Variants in MOCS1 observed in about 807,000 individuals in gnomAD.
MOCS1 encodes molybdenum cofactor synthesis 1, also known as molybdenum cofactor biosynthesis protein 1.
A neutral mutation model predicts 57.6 loss-of-function variants in MOCS1; 39 were observed. The observed-to-expected ratio is 0.68, with a 90% CI of 0.52 to 0.88. The LOEUF (loss-of-function observed/expected upper bound fraction) is 0.88. Among genes scored for constraint, MOCS1 ranks in the 40% least tolerant of loss-of-function variants. The probability of loss-of-function intolerance (pLI) is 0.00; values close to 1 mark genes in which losing one functional copy is unlikely to be tolerated. For missense variants in MOCS1, 795 were observed against 831.1 expected (o/e 0.96, Z 0.53); for synonymous variants, 334 against 335.7 (o/e 1.00, Z 0.05).
chr6:39,924,440 CAG>C (rs1316501054), intron 3 of MOCS1, among the ~76,000 whole-genome samples: 1 of 152,260 alleles, frequency 6.6e-6, no homozygotes, highest in African/African-American at 2.4e-5. Context: ...ATGCAGGAGA[CAG>C]ACAATTAAAG....
chr6:39,915,950 T>C (rs1767631936), intron 4 of MOCS1, 118 bp downstream of exon 4: 2 of 1,186,886 alleles, frequency 1.7e-6, no homozygotes, highest in Non-Finnish European at 1.2e-6. Context: ...TGCTTTGACT[T>C]ACTGATAGCC....
chr6:39,927,403 G>A lies in MOCS1; in HGVS notation c.176C>T (p.Ala59Val), dbSNP rs542659659. Residue 59 changes from alanine to valine, a missense_variant, in exon 2 of 11, where the codon GCC (alanine) becomes GTC (valine). This residue lies in a region of MOCS1 where 416 missense variants were observed against 392.4 expected (regional missense o/e 1.06). Transcript: ENST00000340692. ...CCGGCCGAAGCTGTCTGTGAGGAAG[G>A]CGGAGAAGGGGGCCGCATGCTCCCG... ...FLREHAAPFS[A>V]FLTDSFGRQH... 9.3e-6 allele frequency: 15 copies of A among 1,612,888 alleles called. No homozygotes were observed. The African/African-American group carries it at 2.0e-4, about 21-fold the overall frequency.
chr6:39,933,985 A>T (rs147785340), intron 1 of MOCS1, among the ~76,000 whole-genome samples: 1 of 152,060 alleles, frequency 6.6e-6, no homozygotes, highest in Non-Finnish European at 1.5e-5. Flanking sequence ...GAAAGGTACT[A>T]AGACACCTCA....
chr6:39,913,560 C>A, intron 5 of MOCS1, 132 bp from the exon 6 acceptor site: 1 of 975,208 alleles, frequency 1.0e-6, no homozygotes. Context: ...ACTCAGTTCT[C>A]TAAGTTACGG....
chr6:39,927,806 A>G, intron 1 of MOCS1: 1 of 1,328,852 alleles, frequency 7.5e-7, no homozygotes, highest in Non-Finnish European at 9.8e-7. Context: ...TTGTGCACCC[A>G]TGGTCTCGGG....
intron 4 of MOCS1, among the ~76,000 whole-genome samples, chr6:39,914,825 G>A (rs1252454375): frequency 2.6e-5 from 4 of 152,188 alleles, no homozygotes; most frequent in African/African-American, 9.7e-5. Flanking sequence ...AAAAGAGTAT[G>A]AATGGGAGGG....
In MOCS1 at chr6:39,925,815, G is replaced by T. The variant is rs769807132; in HGVS notation, c.281C>A (p.Pro94Gln). 2 of 1,612,614 alleles carry T rather than the reference G, an allele frequency of 1.2e-6. No homozygotes were observed. The highest frequency in any genetic ancestry group is 2.2e-5 in the South Asian group (2 of 91,070). The change falls in exon 3 of 11, where the codon CCG becomes CAG. Residue 94 changes from proline (P) to glutamine (Q), a missense_variant. This residue lies in a region of MOCS1 where 416 missense variants were observed against 392.4 expected (regional missense o/e 1.06). Transcript: ENST00000340692. ...CAGCAGGTTGGCTTTGGGGGTCAGC[G>T]GGACCCCCTCCTCGGGCATGCAGTA... Reference protein sequence around the residue: ...CQYCMPEEGVPLTPKANLLTT... With the variant: ...CQYCMPEEGVQLTPKANLLTT...
Position 39,905,541 on chromosome 6 carries a change from G to A in MOCS1, c.*816C>T, listed in dbSNP as rs1421721999. On this transcript the variant is annotated 3_prime_UTR_variant, in exon 11 of 11. Coordinates refer to ENST00000340692, the MANE Select transcript of MOCS1 (RefSeq NM_001358530.2). ...TTGCATCTGCAAAGTTGGCATCGTA[G>A]CTTTATTTGTGCGCTGTGAGGGTGA... 1 of 471,060 alleles carries A rather than the reference G, an allele frequency of 2.1e-6. No individual in the cohort carries two copies. Among genetic ancestry groups the A allele is most frequent in the African/African-American group, 2.0e-5 (1 of 50,070 alleles). 29.2% of individuals were successfully genotyped at this position (471,060 alleles called of 1,614,324 possible).
chr6:39,907,175 C>T (rs1767015558), intron 10 of MOCS1, 58 bp from the exon 11 acceptor site: 1 of 1,525,064 alleles, frequency 6.6e-7, no homozygotes, highest in East Asian at 2.3e-5. Context: ...TTCTTTTTCC[C>T]ACCTCTACTC....
intron 3 of MOCS1, among the ~76,000 whole-genome samples, chr6:39,916,560 C>T (rs1271311177): frequency 6.6e-6 from 1 of 152,148 alleles, no homozygotes; most frequent in Non-Finnish European, 1.5e-5. Flanking sequence ...TGCTTAATCT[C>T]ACACAGTAAG....
chr6:39,920,699 C>G (rs1767915989), intron 3 of MOCS1, among the ~76,000 whole-genome samples: 1 of 152,170 alleles, frequency 6.6e-6, no homozygotes, highest in Admixed American at 6.5e-5. Context: ...AGGGAATAGG[C>G]CAGGTGTGGT....
chr6:39,930,965 A>G (rs1221677442), intron 1 of MOCS1, among the ~76,000 whole-genome samples: 3 of 152,212 alleles, frequency 2.0e-5, no homozygotes, highest in Non-Finnish European at 2.9e-5. Flanking sequence ...TCCATGGAGG[A>G]ACACTGTTGT....
chr6:39,924,072 C>A (rs1353923738), intron 3 of MOCS1, among the ~76,000 whole-genome samples: 1 of 152,224 alleles, frequency 6.6e-6, no homozygotes, highest in Admixed American at 6.5e-5. Flanking sequence ...GAGCAAAGGT[C>A]TCTTTCCTGA....
rs141244074 is a variant in MOCS1 at position 39,906,985 on chromosome 6, C to G, written c.1283G>C (p.Arg428Thr). The change falls in exon 11 of 11, where the codon AGG becomes ACG. Residue 428 changes from arginine (R) to threonine (T), a missense_variant. By Grantham distance (71) the Arg-to-Thr change is moderately conservative (BLOSUM62 -1). This residue lies in a region of MOCS1 where 374 missense variants were observed against 422.6 expected (regional missense o/e 0.89). Coordinates refer to ENST00000340692, the MANE Select transcript of MOCS1 (RefSeq NM_001358530.2). The part of the protein sequence containing the change: ...SQVATLWKGC[R>T]VPQTPPLAQQ... ...GGCTAGAGGAGGGGTCTGGGGGACC[C>G]TGCATCCTTTCCATAAAGTGGCCAC... 1.2e-6 allele frequency: 2 copies of G among 1,614,070 alleles called. No homozygotes were observed. Among genetic ancestry groups the G allele is most frequent in the South Asian group, 2.2e-5 (2 of 91,064 alleles).
intron 3 of MOCS1, among the ~76,000 whole-genome samples, chr6:39,919,413 G>A (rs574439010): frequency 3.9e-5 from 6 of 152,032 alleles, no homozygotes; most frequent in East Asian, 1.9e-4. Flanking sequence ...GCTTGAACCC[G>A]GGAGGCAAAG....
At chr6:39,930,704 T>C (rs1427693178) in intron 1 of MOCS1, among the ~76,000 whole-genome samples, 1 of 152,144 alleles carries the variant, frequency 6.6e-6, no homozygotes, top group Admixed American at 6.5e-5. Flanking sequence ...GTGCCTCAGC[T>C]GTGCAGCCAG....
chr6:39,920,312 T>C (rs781741462), intron 3 of MOCS1, among the ~76,000 whole-genome samples: 36 of 152,152 alleles, frequency 2.4e-4, no homozygotes, highest in Admixed American at 1.1e-3. Flanking sequence ...ATCTCTTACA[T>C]AGGGCGGGTG....
chr6:39,921,874 A>G (rs1045719612), intron 3 of MOCS1, among the ~76,000 whole-genome samples: 4 of 152,172 alleles, frequency 2.6e-5, no homozygotes, highest in African/African-American at 9.7e-5. Context: ...TTACTTCGTC[A>G]TCCAGGTACT....
chr6:39,904,816 T>C lies in MOCS1; in HGVS notation c.*1541A>G, dbSNP rs944522117. The C allele has an allele frequency of 2.2e-6, 1 of 454,140 alleles. No homozygotes were observed. Among genetic ancestry groups the C allele is most frequent in the Non-Finnish European group, 4.4e-6 (1 of 226,808 alleles). 28.1% of individuals were successfully genotyped at this position (454,140 alleles called of 1,614,324 possible). A position where few individuals can be genotyped will look rare whatever the true frequency, so the allele number is the denominator to read the frequency against. ...TGTCCTTTTTCACTTGCACCTTTTT[T>C]ATAAGAATATATTGTAATACTAAAA... On this transcript the variant is annotated 3_prime_UTR_variant, in exon 11 of 11. Coordinates refer to ENST00000340692, the MANE Select transcript of MOCS1 (RefSeq NM_001358530.2).
Sources: allele counts gnomAD v4.1 joint callset (sites outside exome capture counted in the v4.1 genomes callset), GRCh38; gene constraint gnomAD v4.1.1; regional missense constraint gnomAD v4.1.1; transcripts MANE v1.5; gene names NCBI Gene and HGNC (gene_info 2026-07-23, HGNC 2026-07-21).